The following FAM135B variants were observed in gnomAD, a reference collection of about 807,000 sequenced individuals.
FAM135B encodes family with sequence similarity 135 member B.
A neutral mutation model predicts 127.7 loss-of-function variants in FAM135B; 43 were observed. That is an observed-to-expected ratio of 0.34 (90% CI 0.26 to 0.43). The LOEUF is 0.43. Among genes scored for constraint, FAM135B ranks in the 20% least tolerant of loss-of-function variants. FAM135B has a pLI of 1.00. For synonymous variants in FAM135B, 670 were observed against 665.1 expected (o/e 1.01, Z -0.11); for missense variants, 1,558 against 1,725.6 (o/e 0.90, Z 1.72).
chr8:138,397,874 G>A (rs1037752763), intron 1 of FAM135B, among the ~76,000 whole-genome samples: 2 of 152,130 alleles, frequency 1.3e-5, no homozygotes, highest in African/African-American at 4.8e-5. Flanking sequence ...TGGTGTGCCT[G>A]CAAGGAAGGA....
intron 2 of FAM135B, among the ~76,000 whole-genome samples, chr8:138,329,859 G>A (rs1242040378): frequency 2.0e-5 from 3 of 152,130 alleles, no homozygotes; most frequent in African/African-American, 7.2e-5. Flanking sequence ...GAAGATCTGG[G>A]TCAGGAAGTT....
At chr8:138,149,388 C>T (rs1019329657) in intron 13 of FAM135B, among the ~76,000 whole-genome samples, 1 of 152,110 alleles carries the variant, frequency 6.6e-6, no homozygotes, top group South Asian at 2.1e-4. Context: ...TTCTCTAGCA[C>T]CACTCCTCAC....
At chr8:138,419,552 T>C (rs900580699) in intron 1 of FAM135B, among the ~76,000 whole-genome samples, 1 of 152,132 alleles carries the variant, frequency 6.6e-6, no homozygotes, top group Non-Finnish European at 1.5e-5. Context: ...TAACAGAATA[T>C]ACATTATTCT....
At chr8:138,181,089 A>G (rs1814984221) in intron 9 of FAM135B, among the ~76,000 whole-genome samples, 1 of 151,684 alleles carries the variant, frequency 6.6e-6, no homozygotes, top group Admixed American at 6.6e-5. Context: ...AAATAAAAAA[A>G]AAATAGCCGG....
intron 2 of FAM135B, among the ~76,000 whole-genome samples, chr8:138,316,029 G>A (rs1254662748): frequency 1.3e-5 from 2 of 151,954 alleles, no homozygotes; most frequent in African/African-American, 4.8e-5. Context: ...ACTTACCACA[G>A]AAAAATTTAA....
chr8:138,245,445 G>T (rs924142377), intron 6 of FAM135B, among the ~76,000 whole-genome samples: 1 of 152,114 alleles, frequency 6.6e-6, no homozygotes, highest in African/African-American at 2.4e-5. Flanking sequence ...CTGCTAGTGA[G>T]TGAGTTCTCA....
At chr8:138,221,254 G>A (rs1338846089) in intron 7 of FAM135B, among the ~76,000 whole-genome samples, 1 of 152,144 alleles carries the variant, frequency 6.6e-6, no homozygotes, top group African/African-American at 2.4e-5. Context: ...AGAAGGAGAA[G>A]GAGAAGCAGG....
intron 2 of FAM135B, 118 bp downstream of exon 2, chr8:138,367,789 T>C (rs1587252890): frequency 1.3e-6 from 1 of 754,726 alleles, no homozygotes; most frequent in Non-Finnish European, 2.2e-6. Flanking sequence ...GAAAATCTTT[T>C]CTTCGTTAGT....
intron 1 of FAM135B, among the ~76,000 whole-genome samples, chr8:138,423,454 T>G (rs1834644623): frequency 6.6e-6 from 1 of 152,054 alleles, no homozygotes; most frequent in Admixed American, 6.5e-5. Context: ...AAGCTGGGTG[T>G]CTGGGGGAGA....
intron 12 of FAM135B, among the ~76,000 whole-genome samples, chr8:138,159,545 A>C (rs1370137520): frequency 6.8e-6 from 1 of 147,392 alleles, no homozygotes; most frequent in East Asian, 2.2e-4. Context: ...ATAGATAGGA[A>C]TTGAACAATG....
chr8:138,480,609 T>C (rs1342363608), intron 1 of FAM135B, among the ~76,000 whole-genome samples: 1 of 151,422 alleles, frequency 6.6e-6, no homozygotes, highest in Non-Finnish European at 1.5e-5. Flanking sequence ...ATGAGAGAGG[T>C]TCAGTGGAAG....
intron 3 of FAM135B, among the ~76,000 whole-genome samples, chr8:138,306,521 C>T (rs978263683): frequency 6.7e-6 from 1 of 150,324 alleles, no homozygotes; most frequent in Non-Finnish European, 1.5e-5. Flanking sequence ...GTTTAGACCT[C>T]GTCTCTCTAA....
At chr8:138,365,372 A>G (rs943818771) in intron 2 of FAM135B, among the ~76,000 whole-genome samples, 1 of 152,170 alleles carries the variant, frequency 6.6e-6, no homozygotes, top group Non-Finnish European at 1.5e-5. Context: ...ACAAGGGTCT[A>G]TTGGATGTGT....
rs1323909187 is a variant in FAM135B at position 138,197,566 on chromosome 8, T to C, written c.773A>G (p.His258Arg). The change falls in exon 8 of 20, where the codon CAC (histidine) becomes CGC (arginine). Residue 258 changes from histidine (H) to arginine (R), a missense_variant. His to Arg is a conservative substitution (Grantham distance 29). This residue lies in a region of FAM135B where 127 missense variants were observed against 109.7 expected (regional missense o/e 1.16). Transcript: ENST00000395297. ...GATGTCCCGCATGATCACCAGGAAG[T>C]GGAGACGGAGACCCCGGTAAGCGTG... is the stretch of plus-strand genomic sequence containing the variant. ...LLHAYRGLRL[H>R]FLVIMRDIPE... is the part of the protein sequence containing the mutation. The C allele has an allele frequency of 1.2e-6, 2 of 1,613,922 alleles. No homozygotes were observed. Among genetic ancestry groups the C allele is most frequent in the East Asian group, 2.2e-5 (1 of 44,840 alleles).
In FAM135B at chr8:138,339,307, C is replaced by T. The variant is rs1828861382; in HGVS notation, c.78-28387G>A. ...ATACAAATGTTTGCTAGTTAGGTGG[C>T]ATTTACTCAGATTTGATAAGTCAGT... On this transcript the variant is annotated intron_variant, in intron 2 of 19. Coordinates refer to ENST00000395297, the MANE Select transcript of FAM135B (RefSeq NM_015912.4). 4.0e-5 allele frequency among the ~76,000 whole-genome samples: 6 copies of T among 151,420 alleles called. No individual in the cohort carries two copies. The South Asian group carries it at 1.3e-3, about 32-fold the overall frequency.
intron 1 of FAM135B, among the ~76,000 whole-genome samples, chr8:138,493,567 A>G (rs1564041943): frequency 6.6e-6 from 1 of 152,186 alleles, no homozygotes. Flanking sequence ...TATCATTACA[A>G]TGCTATGCAG....
chr8:138,186,356 G>C (rs117292040), intron 9 of FAM135B, among the ~76,000 whole-genome samples: 2,422 of 152,284 alleles, frequency 0.016, 44 homozygotes, highest in South Asian at 0.036. Context: ...ATTGTATGGA[G>C]TAAAGATTCA....
At chr8:138,319,596 T>C (rs1827317811) in intron 2 of FAM135B, among the ~76,000 whole-genome samples, 1 of 152,202 alleles carries the variant, frequency 6.6e-6, no homozygotes, top group African/African-American at 2.4e-5. Context: ...TGCTGTTGTG[T>C]TTCAGTAGCC....
chr8:138,174,126 C>A (rs753892519), intron 11 of FAM135B, among the ~76,000 whole-genome samples: 7 of 152,174 alleles, frequency 4.6e-5, no homozygotes, highest in Admixed American at 2.6e-4. Context: ...TTCCTACTCC[C>A]TCCTATCCTA....
Sources: gnomAD v4.1 joint callset for allele counts (sites outside exome capture counted in the v4.1 genomes callset) on GRCh38, gnomAD v4.1.1 for gene constraint, gnomAD v4.1.1 regional missense constraint, MANE v1.5 for transcripts, NCBI Gene and HGNC (gene_info 2026-07-23, HGNC 2026-07-21) for gene names.